ATP8B4: variants seen among roughly 807,000 people sequenced by gnomAD.
ATP8B4 encodes ATPase phospholipid transporting 8B4 (putative).
Under a neutral mutation model 145.6 loss-of-function variants are expected in ATP8B4, and 133 were observed. The observed-to-expected ratio is 0.91, with a 90% CI of 0.79 to 1.05. The LOEUF (loss-of-function observed/expected upper bound fraction) is 1.05, where lower values mean the gene tolerates loss of function less well. Ranked by LOEUF, ATP8B4 falls within the 50% of genes least tolerant of loss-of-function variation. ATP8B4 has a pLI of 0.00. For missense variants in ATP8B4, 1,458 were observed against 1,425.2 expected (o/e 1.02, Z -0.37); for synonymous variants, 507 against 492.9 (o/e 1.03, Z -0.38).
chr15:50,159,245 T>C (rs1205264135), intron 1 of ATP8B4, among the ~76,000 whole-genome samples: 2 of 152,256 alleles, frequency 1.3e-5, no homozygotes, highest in African/African-American at 2.4e-5. Context: ...AGGTATTTTA[T>C]TTTATTTGTA....
At chr15:49,862,197 C>A in intron 27 of ATP8B4, 48 bp downstream of exon 27, 2 of 1,586,632 alleles carry the variant, frequency 1.3e-6, no homozygotes, top group South Asian at 1.1e-5. Context: ...GACACCATTT[C>A]AAGAGCCAAA....
intron 1 of ATP8B4, among the ~76,000 whole-genome samples, chr15:50,118,599 C>A (rs962432418): frequency 6.6e-6 from 1 of 152,138 alleles, no homozygotes; most frequent in Non-Finnish European, 1.5e-5. Flanking sequence ...ACTCTCTTGC[C>A]TATAAACAAA....
At chr15:49,917,208 A>T in intron 19 of ATP8B4, 169 bp from the exon 20 acceptor site, 1 of 560,232 alleles carries the variant, frequency 1.8e-6, no homozygotes. Flanking sequence ...GGAAATTCAA[A>T]GACCTGGGTT....
intron 2 of ATP8B4, among the ~76,000 whole-genome samples, chr15:50,082,448 A>G (rs2054615231): frequency 6.6e-6 from 1 of 152,202 alleles, no homozygotes; most frequent in Non-Finnish European, 1.5e-5. Flanking sequence ...AGGGGAGTCA[A>G]ACAAATACTA....
chr15:50,162,566 G>A (rs1186731708), intron 1 of ATP8B4, among the ~76,000 whole-genome samples: 1 of 152,008 alleles, frequency 6.6e-6, no homozygotes, highest in Admixed American at 6.6e-5. Context: ...GAGTGCAGTG[G>A]CGCGATCTCA....
intron 1 of ATP8B4, among the ~76,000 whole-genome samples, chr15:50,133,415 C>CAA (rs56780721): frequency 1.4e-5 from 2 of 147,876 alleles, no homozygotes; most frequent in South Asian, 2.1e-4. Flanking sequence ...TTCATCTCTA[C>CAA]AAAAAAAAAA....
intron 9 of ATP8B4, among the ~76,000 whole-genome samples, chr15:49,994,525 C>G (rs192525693): frequency 6.6e-6 from 1 of 152,172 alleles, no homozygotes; most frequent in Non-Finnish European, 1.5e-5. Flanking sequence ...ACAAAGATCC[C>G]TGTGTAGCTT....
chr15:50,072,944 C>G (rs1600198471), intron 3 of ATP8B4, among the ~76,000 whole-genome samples: 1 of 25,276 alleles, frequency 4.0e-5, no homozygotes, highest in African/African-American at 1.7e-4. Flanking sequence ...CTCTCTCTCT[C>G]TCTCTCTCTC....
intron 6 of ATP8B4, among the ~76,000 whole-genome samples, chr15:50,023,918 C>T (rs1382412460): frequency 6.6e-6 from 1 of 151,468 alleles, no homozygotes; most frequent in Non-Finnish European, 1.5e-5. Flanking sequence ...AGAAGTGATA[C>T]TCTAGTACAT....
intron 1 of ATP8B4, among the ~76,000 whole-genome samples, chr15:50,130,178 T>C (rs957567410): frequency 2.0e-5 from 3 of 152,160 alleles, no homozygotes; most frequent in Non-Finnish European, 4.4e-5. Flanking sequence ...AGGTCTTAAC[T>C]GCATTCTCAC....
At chr15:50,012,527 A>G (rs1296515211) in intron 6 of ATP8B4, among the ~76,000 whole-genome samples, 3 of 152,172 alleles carry the variant, frequency 2.0e-5, no homozygotes, top group African/African-American at 7.2e-5. Flanking sequence ...AAACTACTTC[A>G]TCAATAACCT....
In ATP8B4 at chr15:49,949,441, G is replaced by T. The variant is rs1292502251; in HGVS notation, c.1287+12536C>A. 3.3e-5 allele frequency among the ~76,000 whole-genome samples: 5 copies of T among 152,128 alleles called. No homozygotes were observed. In the South Asian group the frequency reaches 1.0e-3, roughly 32 times the overall value. On this transcript the variant is annotated intron_variant, in intron 14 of 27. Transcript: ENST00000284509. Reference sequence around the variant, plus strand: ...TTCTCTTCGTAGTGATTGTGAATGCGAGTTCATTCATGATTTGGCTCTCTG... The same window carrying T: ...TTCTCTTCGTAGTGATTGTGAATGCTAGTTCATTCATGATTTGGCTCTCTG...
intron 1 of ATP8B4, chr15:50,113,457 G>T (rs1234813058): frequency 2.6e-5 from 4 of 152,140 alleles, no homozygotes; most frequent in African/African-American, 9.7e-5. Context: ...CTTGTAGATT[G>T]TAGGAACTGT....
At position 50,105,898 on chromosome 15, in the gene ATP8B4, T is replaced by A. The variant is rs940259978; in HGVS notation, c.28+1041A>T. ...GTCAGTTAATCTTATCTTCACACTA[T>A]TAAGATTGTATATAAATAAATCATT... On this transcript the variant is annotated intron_variant, in intron 2 of 27. Transcript: ENST00000284509. 3.4e-5 allele frequency among the ~76,000 whole-genome samples: 5 copies of A among 147,546 alleles called. No individual in the cohort carries two copies. The South Asian group carries it at 1.1e-3, about 33-fold the overall frequency.
At chr15:49,882,682 T>G (rs1252609345) in intron 23 of ATP8B4, among the ~76,000 whole-genome samples, 1 of 152,204 alleles carries the variant, frequency 6.6e-6, no homozygotes, top group African/African-American at 2.4e-5. Context: ...AATCTATTCC[T>G]ATGTTGTTTC....
intron 1 of ATP8B4, among the ~76,000 whole-genome samples, chr15:50,162,813 TG>T (rs1280280954): frequency 1.3e-5 from 2 of 152,192 alleles, no homozygotes; most frequent in Non-Finnish European, 2.9e-5. Context: ...GCCTCTTTTT[TG>T]TTTTTTTTCT....
intron 1 of ATP8B4, among the ~76,000 whole-genome samples, chr15:50,178,464 T>G (rs753716668): frequency 5.3e-5 from 8 of 152,244 alleles, no homozygotes; most frequent in Non-Finnish European, 1.2e-4. Context: ...GTTGCAGTTT[T>G]CTACATTCAA....
At chr15:49,941,890 C>A (rs756677502) in intron 14 of ATP8B4, among the ~76,000 whole-genome samples, 1 of 152,106 alleles carries the variant, frequency 6.6e-6, no homozygotes, top group South Asian at 2.1e-4. Context: ...TTTTTTGCAG[C>A]AACTTGGATG....
intron 26 of ATP8B4, among the ~76,000 whole-genome samples, chr15:49,864,239 A>G (rs1041736541): frequency 6.6e-6 from 1 of 152,226 alleles, no homozygotes; most frequent in African/African-American, 2.4e-5. Flanking sequence ...AACATTTTTA[A>G]GTGTATGCGT....
Sources: allele counts gnomAD v4.1 joint callset (sites outside exome capture counted in the v4.1 genomes callset), GRCh38; gene constraint gnomAD v4.1.1; transcripts MANE v1.5; gene names NCBI Gene and HGNC (gene_info 2026-07-23, HGNC 2026-07-21).